Variants in EGFLAM observed in about 807,000 individuals in gnomAD.
EGFLAM encodes the protein EGF like, fibronectin type III and laminin G domains, also known as pikachurin.
In EGFLAM, 79 loss-of-function variants were observed where a neutral mutation model predicts 113.1. That is an observed-to-expected ratio of 0.70 (90% CI 0.58 to 0.84). The LOEUF (loss-of-function observed/expected upper bound fraction) is 0.84. Ranked by LOEUF, EGFLAM falls within the 40% of genes least tolerant of loss-of-function variation. The probability of loss-of-function intolerance (pLI) is 0.00; values close to 1 mark genes in which losing one functional copy is unlikely to be tolerated. For synonymous variants in EGFLAM, 504 were observed against 487.6 expected, an observed-to-expected ratio of 1.03 and a Z score of -0.44; for missense variants, 1,265 against 1,291.6, an observed-to-expected ratio of 0.98 and a Z score of 0.32.
chr5:38,431,338 T>C (rs748607828), intron 15 of EGFLAM, 50 bp downstream of exon 15: 2 of 1,565,918 alleles, frequency 1.3e-6, no homozygotes, highest in East Asian at 4.5e-5. Context: ...GCCAGATTAC[T>C]GTTTTCTGCC....
intron 9 of EGFLAM, among the ~76,000 whole-genome samples, chr5:38,408,293 A>G (rs1741359482): frequency 6.6e-6 from 1 of 152,222 alleles, no homozygotes; most frequent in African/African-American, 2.4e-5. Context: ...CTTCATTGTG[A>G]TAGCTGTCAC....
chr5:38,417,156 A>G (rs1462891874), intron 11 of EGFLAM, among the ~76,000 whole-genome samples: 2 of 152,096 alleles, frequency 1.3e-5, no homozygotes, highest in African/African-American at 4.8e-5. Context: ...GTTTGAGACC[A>G]GCCTGACCAA....
intron 1 of EGFLAM, among the ~76,000 whole-genome samples, chr5:38,278,603 C>T (rs981858522): frequency 3.3e-5 from 5 of 152,010 alleles, no homozygotes; most frequent in Non-Finnish European, 5.9e-5. Context: ...ATTCTCCTGC[C>T]TCAGCCTCCC....
chr5:38,353,843 G>C (rs1005076187), intron 5 of EGFLAM, among the ~76,000 whole-genome samples: 24 of 152,212 alleles, frequency 1.6e-4, no homozygotes, highest in African/African-American at 5.8e-4. Flanking sequence ...AGGCAGTCAA[G>C]ACCTACAGTG....
intron 1 of EGFLAM, among the ~76,000 whole-genome samples, chr5:38,309,022 T>A (rs1187160696): frequency 6.6e-6 from 1 of 152,220 alleles, no homozygotes; most frequent in Non-Finnish European, 1.5e-5. Flanking sequence ...TTGTTAAATT[T>A]TCAGGGATTT....
At chr5:38,441,560 A>T (rs1183479605) in intron 17 of EGFLAM, among the ~76,000 whole-genome samples, 1 of 151,858 alleles carries the variant, frequency 6.6e-6, no homozygotes, top group African/African-American at 2.4e-5. Flanking sequence ...CATGTAAAAA[A>T]CTAAGTTCTG....
chr5:38,443,769 C>CT (rs11320853), intron 17 of EGFLAM, among the ~76,000 whole-genome samples: 3,494 of 133,254 alleles, frequency 0.026, 64 homozygotes, highest in Middle Eastern at 0.039. Context: ...CCCTTCAACT[C>CT]TTTTTTTTTT....
intron 1 of EGFLAM, among the ~76,000 whole-genome samples, chr5:38,302,230 C>G (rs949600573): frequency 8.0e-5 from 11 of 138,138 alleles, no homozygotes; most frequent in African/African-American, 3.1e-4. Context: ...GAGTGAAAGT[C>G]CATCTCAAAA....
intron 1 of EGFLAM, among the ~76,000 whole-genome samples, chr5:38,310,864 A>C (rs1221507322): frequency 6.6e-6 from 1 of 152,184 alleles, no homozygotes; most frequent in African/African-American, 2.4e-5. Context: ...ACGTGTGAGA[A>C]CTACTGAAAA....
At chr5:38,368,691 G>A (rs191841141) in intron 5 of EGFLAM, among the ~76,000 whole-genome samples, 5 of 152,174 alleles carry the variant, frequency 3.3e-5, no homozygotes, top group Admixed American at 3.3e-4. Context: ...GCAAGCAAAG[G>A]GATGGGGAAT....
rs1743165131 is a variant in EGFLAM at position 38,458,497 on chromosome 5, T to C, written c.2771+103T>C. On this transcript the variant is annotated intron_variant, in intron 20 of 21. Transcript: ENST00000322350. ...CACTGTCCTGTTCCCCAACTTTGCC[T>C]GGCATCCTAGTTACCCCTGATCCAG... 5 of 1,160,414 alleles carry C rather than the reference T, an allele frequency of 4.3e-6. No individual in the cohort carries two copies. The South Asian group carries it at 6.8e-5, about 16-fold the overall frequency. The allele number at this position is 1,160,414 out of a possible 1,614,324, so 71.9% of individuals were successfully genotyped here.
At chr5:38,314,215 A>G (rs927274511) in intron 1 of EGFLAM, among the ~76,000 whole-genome samples, 2 of 152,218 alleles carry the variant, frequency 1.3e-5, no homozygotes, top group African/African-American at 2.4e-5. Context: ...TTGCTAACCA[A>G]CTGTCCTAAT....
At chr5:38,363,605 T>G (rs572233882) in intron 5 of EGFLAM, among the ~76,000 whole-genome samples, 124 of 152,346 alleles carry the variant, frequency 8.1e-4, no homozygotes, top group African/African-American at 2.7e-3. Context: ...GCATAGTTAC[T>G]GAATCCATTG....
chr5:38,448,547 T>C (rs1426492333), intron 18 of EGFLAM, 168 bp downstream of exon 18: 2 of 666,742 alleles, frequency 3.0e-6, no homozygotes, highest in East Asian at 5.4e-5. Context: ...ACATAGAAAC[T>C]AGAGCAAAAT....
chr5:38,389,970 G>T (rs143211767), intron 6 of EGFLAM, among the ~76,000 whole-genome samples: 1 of 151,982 alleles, frequency 6.6e-6, no homozygotes, highest in African/African-American at 2.4e-5. Context: ...GTTTTGTATT[G>T]TGAGTTATTT....
intron 1 of EGFLAM, among the ~76,000 whole-genome samples, chr5:38,275,991 A>C (rs1757874479): frequency 1.3e-5 from 2 of 152,208 alleles, no homozygotes; most frequent in Admixed American, 1.3e-4. Flanking sequence ...AAAAAATTAA[A>C]AGATAATTTA....
chr5:38,462,751 C>A (rs1302351602), intron 20 of EGFLAM, 157 bp from the exon 21 acceptor site: 28 of 767,430 alleles, frequency 3.6e-5, no homozygotes, highest in Non-Finnish European at 5.6e-5. Context: ...GAGGGCCACA[C>A]ATTTGCTTTT....
chr5:38,462,870 C>T (rs749559406), intron 20 of EGFLAM, 38 bp from the exon 21 acceptor site: 2 of 1,608,870 alleles, frequency 1.2e-6, no homozygotes, highest in African/African-American at 2.7e-5. Flanking sequence ...TCCAAAAATG[C>T]CAGGCTTTTT....
At chr5:38,438,145 A>T in intron 16 of EGFLAM, 130 bp from the exon 17 acceptor site, 3 of 797,064 alleles carry the variant, frequency 3.8e-6, no homozygotes, top group Non-Finnish European at 5.4e-6. Flanking sequence ...AAAAAAGTGG[A>T]AACTGGACTT....
Sources: allele counts gnomAD v4.1 joint callset (sites outside exome capture counted in the v4.1 genomes callset), GRCh38; gene constraint gnomAD v4.1.1; transcripts MANE v1.5; gene names NCBI Gene and HGNC (gene_info 2026-07-23, HGNC 2026-07-21).